The following EPB41L3 variants were observed in gnomAD, a reference collection of about 807,000 sequenced individuals.
The protein encoded by EPB41L3 is erythrocyte membrane protein band 4.1 like 3, also known as band 4.1-like protein 3.
In EPB41L3, 57 loss-of-function variants were observed where a neutral mutation model predicts 127.1. That is an observed-to-expected ratio of 0.45 (90% CI 0.36 to 0.56). EPB41L3 has a LOEUF of 0.56. Among genes scored for constraint, EPB41L3 ranks in the 20% least tolerant of loss-of-function variants. EPB41L3 has a pLI of 0.00. For missense variants in EPB41L3, 1,273 were observed against 1,372.2 expected, an observed-to-expected ratio of 0.93 and a Z score of 1.14; for synonymous variants, 572 against 549.5, an observed-to-expected ratio of 1.04 and a Z score of -0.57.
chr18:5,557,893 G>A (rs1210926175), intron 3 of EPB41L3, among the ~76,000 whole-genome samples: 2 of 152,162 alleles, frequency 1.3e-5, no homozygotes, highest in African/African-American at 4.8e-5. Flanking sequence ...ACAAAACCCT[G>A]AGTTTTAACT....
chr18:5,569,961 G>C (rs961289397), intron 3 of EPB41L3, among the ~76,000 whole-genome samples: 3 of 152,092 alleles, frequency 2.0e-5, no homozygotes, highest in Non-Finnish European at 4.4e-5. Flanking sequence ...ACACTTCTGA[G>C]TTTTGTTAAA....
chr18:5,502,668 A>G (rs1046279271), intron 1 of EPB41L3, among the ~76,000 whole-genome samples: 1 of 152,196 alleles, frequency 6.6e-6, no homozygotes, highest in Non-Finnish European at 1.5e-5. Flanking sequence ...AGCGAAACAG[A>G]GACTGGGAAG....
intron 2 of EPB41L3, among the ~76,000 whole-genome samples, chr18:5,484,282 A>T (rs1182722587): frequency 6.6e-6 from 1 of 151,510 alleles, no homozygotes; most frequent in African/African-American, 2.4e-5. Context: ...TAAAAAAAAA[A>T]TTATCAAAAC....
chr18:5,396,435 T>C, intron 18 of EPB41L3, 103 bp from the exon 19 acceptor site: 1 of 1,343,142 alleles, frequency 7.4e-7, no homozygotes, highest in Non-Finnish European at 1.0e-6. Flanking sequence ...GTTAGTATGC[T>C]ATAAATGTTT....
chr18:5,471,955 T>C (rs2086224184), intron 3 of EPB41L3, among the ~76,000 whole-genome samples: 1 of 152,150 alleles, frequency 6.6e-6, no homozygotes, highest in South Asian at 2.1e-4. Flanking sequence ...CGAACGCACG[T>C]AGGCACTCAA....
At position 5,499,829 on chromosome 18, in the gene EPB41L3, G is replaced by GTGTGTATATATA. The variant is rs563662904; in HGVS notation, c.-11-10636_-11-10635insTATATATACACA. ...CCTACTACATACTTACTATGTGTGT[G>GTGTGTATATATA]TATATATATATATATATATGGCATT... On this transcript the variant is annotated intron_variant, in intron 1 of 22. Transcript: ENST00000341928. Among the ~76,000 whole-genome samples, 148 of 124,650 alleles carry GTGTGTATATATA rather than the reference G, an allele frequency of 1.2e-3. 9 individuals carry two copies. Among genetic ancestry groups the GTGTGTATATATA allele is most frequent in the African/African-American group, 4.4e-3 (142 of 32,196 alleles). The allele number at this position is 124,650 out of a possible 152,430, so 81.8% of individuals were successfully genotyped here.
chr18:5,409,925 T>A (rs1181764012), intron 14 of EPB41L3, among the ~76,000 whole-genome samples: 1 of 151,894 alleles, frequency 6.6e-6, no homozygotes, highest in Non-Finnish European at 1.5e-5. Context: ...TCTTTAACCC[T>A]AAAGAAAAAA....
chr18:5,428,051 G>A (rs1046174963), intron 9 of EPB41L3, among the ~76,000 whole-genome samples: 5 of 151,994 alleles, frequency 3.3e-5, no homozygotes, highest in Admixed American at 6.5e-5. Flanking sequence ...CACCGCACCC[G>A]GCCGAGACTG....
In EPB41L3 at chr18:5,434,635, C is replaced by G. The variant is rs150924209; in HGVS notation, c.606-514G>C. Among the ~76,000 whole-genome samples the G allele has an allele frequency of 4.1e-3, 626 of 152,274 alleles. 6 individuals are homozygous for G. Among genetic ancestry groups the G allele is most frequent in the African/African-American group, 0.014 (572 of 41,540 alleles). Reference sequence around the variant, plus strand: ...TATTGCTTAGTGACGTCATAGCTATCTTAATGTCATAGCCTAACACATTAC... The same window carrying G: ...TATTGCTTAGTGACGTCATAGCTATGTTAATGTCATAGCCTAACACATTAC... On this transcript the variant is annotated intron_variant, in intron 6 of 22. Transcript: ENST00000341928.
At chr18:5,487,863 T>A (rs781588066) in intron 2 of EPB41L3, among the ~76,000 whole-genome samples, 9 of 152,166 alleles carry the variant, frequency 5.9e-5, no homozygotes, top group Admixed American at 1.3e-4. Context: ...ATATACAGTT[T>A]AATGCTGTGA....
At chr18:5,623,345 G>A (rs1363083427) in intron 1 of EPB41L3, among the ~76,000 whole-genome samples, 1 of 152,170 alleles carries the variant, frequency 6.6e-6, no homozygotes, top group East Asian at 1.9e-4. Context: ...CATAACTCAG[G>A]AGGTTTCAGT....
chr18:5,555,762 A>C (rs2094025470), intron 3 of EPB41L3, among the ~76,000 whole-genome samples: 1 of 152,152 alleles, frequency 6.6e-6, no homozygotes, highest in Admixed American at 6.5e-5. Flanking sequence ...AGAGATACAA[A>C]GGTGATGCTC....
At chr18:5,568,994 TC>T (rs767494981) in intron 3 of EPB41L3, among the ~76,000 whole-genome samples, 1 of 152,240 alleles carries the variant, frequency 6.6e-6, no homozygotes, top group Non-Finnish European at 1.5e-5. Flanking sequence ...AAGGAACATT[TC>T]TATCAATATA....
intron 3 of EPB41L3, chr18:5,570,991 A>AT (rs1330036732): frequency 1.3e-5 from 2 of 152,154 alleles, no homozygotes; most frequent in East Asian, 1.9e-4. Flanking sequence ...ATTTAGAGAC[A>AT]TTTTTTTCTT....
At chr18:5,590,000 T>G (rs1365793515) in intron 3 of EPB41L3, among the ~76,000 whole-genome samples, 1 of 152,202 alleles carries the variant, frequency 6.6e-6, no homozygotes, top group Non-Finnish European at 1.5e-5. Flanking sequence ...TTTCCACATT[T>G]GAATTGGAGT....
In EPB41L3 at chr18:5,579,739, C is replaced by G. The variant is rs140144010; in HGVS notation, c.-306+32601G>C. ...CTGTAGAAAGACAAGAAAGATATTA[C>G]CAATCTGACAGAGACTTCTGGGCAA... On this transcript the variant is annotated intron_variant, in intron 3 of 21. Coordinates refer to the EPB41L3 transcript ENST00000545076. 6.6e-3 allele frequency among the ~76,000 whole-genome samples: 1,011 copies of G among 152,288 alleles called. 8 individuals carry two copies. The highest frequency in any genetic ancestry group is 0.031 in the Middle Eastern group (9 of 294).
chr18:5,395,566 C>G (rs1457738719), intron 20 of EPB41L3, 43 bp downstream of exon 20: 1 of 1,574,560 alleles, frequency 6.4e-7, no homozygotes, highest in South Asian at 1.1e-5. Flanking sequence ...CTTCCTCCAG[C>G]TCGCTCTCAA....
chr18:5,486,445 TAA>T (rs1177612726), intron 2 of EPB41L3, among the ~76,000 whole-genome samples: 1 of 152,092 alleles, frequency 6.6e-6, no homozygotes, highest in African/African-American at 2.4e-5. Flanking sequence ...TTTTTGTGTA[TAA>T]GACTTCAAAA....
At chr18:5,481,321 C>T (rs549587107) in intron 2 of EPB41L3, among the ~76,000 whole-genome samples, 9 of 152,210 alleles carry the variant, frequency 5.9e-5, no homozygotes, top group African/African-American at 1.9e-4. Context: ...AATATGAGGA[C>T]GAGACAGATC....
Sources: gnomAD v4.1 joint callset for allele counts (sites outside exome capture counted in the v4.1 genomes callset) on GRCh38, gnomAD v4.1.1 for gene constraint, MANE v1.5 for transcripts, NCBI Gene and HGNC (gene_info 2026-07-23, HGNC 2026-07-21) for gene names.